The following SLC6A5 variants were observed in gnomAD, a reference collection of about 807,000 sequenced individuals.
The protein encoded by SLC6A5 is solute carrier family 6 member 5.
SLC6A5 carries 58 observed loss-of-function variants against 90.5 expected under a neutral mutation model. The ratio of observed to expected loss-of-function variants is 0.64; its 90% CI spans 0.52 to 0.80. The LOEUF is 0.80. Among genes scored for constraint, SLC6A5 ranks in the 30% least tolerant of loss-of-function variants. The probability of loss-of-function intolerance (pLI) is 0.00; values close to 1 mark genes in which losing one functional copy is unlikely to be tolerated. For missense variants in SLC6A5, 1,015 were observed against 1,017.6 expected (o/e 1.00, Z 0.03); for synonymous variants, 427 against 401.4 (o/e 1.06, Z -0.76).
chr11:20,647,514 T>G (rs2133820085), intron 14 of SLC6A5, among the ~76,000 whole-genome samples: 1 of 150,604 alleles, frequency 6.6e-6, no homozygotes, highest in South Asian at 2.1e-4. Context: ...TATGGAACAT[T>G]TCCTATGGCA....
At chr11:20,650,880 A>C (rs1853517434) in intron 14 of SLC6A5, among the ~76,000 whole-genome samples, 2 of 151,776 alleles carry the variant, frequency 1.3e-5, no homozygotes, top group Middle Eastern at 3.4e-3. Context: ...GTTAGCCAGG[A>C]TGGTCTCGAT....
intron 5 of SLC6A5, among the ~76,000 whole-genome samples, chr11:20,609,548 G>T (rs1477372672): frequency 6.6e-6 from 1 of 152,086 alleles, no homozygotes; most frequent in Non-Finnish European, 1.5e-5. Context: ...TTTCCCAAAT[G>T]GTCATATTGA....
intron 13 of SLC6A5, among the ~76,000 whole-genome samples, chr11:20,644,298 T>G (rs1420857479): frequency 6.6e-6 from 1 of 152,228 alleles, no homozygotes; most frequent in East Asian, 1.9e-4. Flanking sequence ...GTGTTCAATT[T>G]TTTTTTTAGA....
chr11:20,617,657 C>A, intron 6 of SLC6A5, 95 bp from the exon 7 acceptor site: 2 of 1,094,456 alleles, frequency 1.8e-6, no homozygotes, highest in Non-Finnish European at 1.4e-6. Flanking sequence ...TTTGTGCAAG[C>A]CTCCTGGCTC....
chr11:20,607,225 C>A, intron 4 of SLC6A5, 87 bp downstream of exon 4: 1 of 1,508,184 alleles, frequency 6.6e-7, no homozygotes, highest in South Asian at 1.2e-5. Flanking sequence ...GGGAGACCTG[C>A]CTTTGTGGTT....
chr11:20,623,152 C>T (rs1350070362), intron 7 of SLC6A5, among the ~76,000 whole-genome samples: 1 of 152,146 alleles, frequency 6.6e-6, no homozygotes, highest in Non-Finnish European at 1.5e-5. Flanking sequence ...GACTGCTGTT[C>T]TGTGGTGCAG....
intron 13 of SLC6A5, among the ~76,000 whole-genome samples, chr11:20,641,033 G>A (rs757058610): frequency 4.6e-5 from 7 of 152,302 alleles, no homozygotes; most frequent in South Asian, 2.1e-4. Context: ...GTTGTTTGAC[G>A]TTCTCAAGTC....
chr11:20,637,054 C>T, intron 11 of SLC6A5, 118 bp from the exon 12 acceptor site: 1 of 1,103,270 alleles, frequency 9.1e-7, no homozygotes, highest in Non-Finnish European at 1.4e-6. Context: ...GGAATGCCAT[C>T]CTAAAAACCA....
chr11:20,603,865 G>A (rs1852524333), intron 2 of SLC6A5, among the ~76,000 whole-genome samples: 1 of 152,016 alleles, frequency 6.6e-6, no homozygotes, highest in Non-Finnish European at 1.5e-5. Flanking sequence ...CTGCTTGCTG[G>A]GAACTCCAGG....
chr11:20,634,106 G>A (rs1447149232), intron 10 of SLC6A5, among the ~76,000 whole-genome samples: 1 of 152,196 alleles, frequency 6.6e-6, no homozygotes, highest in Non-Finnish European at 1.5e-5. Flanking sequence ...TCCTCACCTT[G>A]TGATCTGCCC....
At position 20,607,108 on chromosome 11, in the gene SLC6A5, T is replaced by C. The variant is rs1224878718; in HGVS notation, c.781T>C (p.Ser261Pro). The change falls in exon 4 of 16, where the codon TCT becomes CCT. Residue 261 changes from serine (S) to proline (P), a missense_variant. Ser to Pro is a moderately conservative substitution (Grantham distance 74). Around this residue, in one of 3 missense-constraint regions of SLC6A5, gnomAD observed 567 missense variants for 507.3 expected, o/e 1.12. Coordinates refer to ENST00000525748, the MANE Select transcript of SLC6A5 (RefSeq NM_004211.5). ...CCAGTTTGCCAGCCAGGGACCAGTGTCTGTGTGGAAGGCCATCCCAGCTCT... is the reference window on the plus strand; with the variant it reads ...CCAGTTTGCCAGCCAGGGACCAGTGCCTGTGTGGAAGGCCATCCCAGCTCT... ...LGQFASQGPV[S>P]VWKAIPALQG... is the part of the protein sequence containing the mutation. The C allele has an allele frequency of 6.2e-7, 1 of 1,614,122 alleles. No individual in the cohort carries two copies. Among genetic ancestry groups the C allele is most frequent in the South Asian group, 1.1e-5 (1 of 91,070 alleles).
Position 20,655,124 on chromosome 11 carries a change from G to A in SLC6A5, c.*256G>A, listed in dbSNP as rs557515150. ...GGTCAGGTTGGTCCCCTGACCACACGTTTTACCCTGCAGAGGAGGATCAGT... is the reference window on the plus strand; with the variant it reads ...GGTCAGGTTGGTCCCCTGACCACACATTTTACCCTGCAGAGGAGGATCAGT... On this transcript the variant is annotated 3_prime_UTR_variant, in exon 16 of 16. Transcript: ENST00000525748. 34 of 492,170 alleles carry A rather than the reference G, an allele frequency of 6.9e-5. No individual in the cohort carries two copies. The highest frequency in any genetic ancestry group is 5.4e-4 in the African/African-American group (28 of 51,602). 30.5% of individuals were successfully genotyped at this position (492,170 alleles called of 1,614,324 possible).
At chr11:20,651,691 T>A (rs1853535105) in intron 14 of SLC6A5, among the ~76,000 whole-genome samples, 1 of 151,812 alleles carries the variant, frequency 6.6e-6, no homozygotes, top group African/African-American at 2.4e-5. Context: ...GCAGATCACC[T>A]GAGGTCAGGA....
intron 14 of SLC6A5, among the ~76,000 whole-genome samples, chr11:20,647,481 CTA>C (rs1216826749): frequency 7.1e-6 from 1 of 141,796 alleles, no homozygotes; most frequent in Non-Finnish European, 1.5e-5. Context: ...ATATCAGTTC[CTA>C]TATATATATA....
rs976214153 is a variant in SLC6A5, at chr11:20,656,917, G to A, written c.*2049G>A. 5 of 152,194 alleles carry A rather than the reference G, an allele frequency of 3.3e-5. No individual in the cohort carries two copies. Among genetic ancestry groups the A allele is most frequent in the African/African-American group, 4.8e-5 (2 of 41,440 alleles). The allele number at this position is 152,194 out of a possible 1,614,324, so 9.4% of individuals were successfully genotyped here. On this transcript the variant is annotated 3_prime_UTR_variant, in exon 16 of 16. Coordinates refer to ENST00000525748, the MANE Select transcript of SLC6A5 (RefSeq NM_004211.5). ...GAAGCCCCCAATTACTGCAGCAGAC[G>A]TCGCACAATGGTACCAAAAATGAGC...
At chr11:20,616,622 C>A (rs957535952) in intron 6 of SLC6A5, among the ~76,000 whole-genome samples, 7 of 152,164 alleles carry the variant, frequency 4.6e-5, no homozygotes, top group Admixed American at 3.9e-4. Flanking sequence ...CCTTGCTTGG[C>A]AAATATGGTC....
At chr11:20,612,391 G>A (rs1002445504) in intron 5 of SLC6A5, among the ~76,000 whole-genome samples, 8 of 152,080 alleles carry the variant, frequency 5.3e-5, no homozygotes, top group Non-Finnish European at 1.0e-4. Context: ...ATGGAGGCTT[G>A]GACAAATGGA....
chr11:20,604,228 G>T lies in SLC6A5; in HGVS notation c.541-58G>T, dbSNP rs939257036. ...CCCCTAGCGGGGGGGAGGGTGGAAG[G>T]GGCCTGCTTGTGGACCTACTCGGGG... On this transcript the variant is annotated intron_variant, in intron 2 of 15. Transcript: ENST00000525748. 5.6e-4 allele frequency: 865 copies of T among 1,555,270 alleles called. 5 individuals are homozygous for T. Among genetic ancestry groups the T allele is most frequent in the Middle Eastern group, 1.7e-4 (1 of 5,788 alleles).
Position 20,654,943 on chromosome 11 carries a change from C to T in SLC6A5, c.*75C>T, listed in dbSNP as rs942838781. ...TCCTCCTAATGTTTTCCATAGCTCT[C>T]CTCCCATTTTTCTTCATCTTTCTTC... is the stretch of plus-strand genomic sequence containing the variant. On this transcript the variant is annotated 3_prime_UTR_variant, in exon 16 of 16. Transcript: ENST00000525748. 4 of 1,438,256 alleles carry T rather than the reference C, an allele frequency of 2.8e-6. No individual in the cohort carries two copies. The Admixed American group carries it at 5.0e-5, about 18-fold the overall frequency. 89.1% of individuals were successfully genotyped at this position (1,438,256 alleles called of 1,614,324 possible). A position where few individuals can be genotyped will look rare whatever the true frequency, so the allele number is the denominator to read the frequency against.
Sources: gnomAD v4.1 joint callset for allele counts (sites outside exome capture counted in the v4.1 genomes callset) on GRCh38, gnomAD v4.1.1 for gene constraint, gnomAD v4.1.1 regional missense constraint, MANE v1.5 for transcripts, NCBI Gene and HGNC (gene_info 2026-07-23, HGNC 2026-07-21) for gene names.